The following CREB3L2 variants were observed in gnomAD, a reference collection of about 807,000 sequenced individuals.
CREB3L2 encodes the protein cAMP responsive element binding protein 3 like 2, also known as cyclic AMP-responsive element-binding protein 3-like protein 2.
CREB3L2 carries 23 observed loss-of-function variants against 57.2 expected under a neutral mutation model. The ratio of observed to expected loss-of-function variants is 0.40; its 90% CI spans 0.29 to 0.57. The LOEUF (loss-of-function observed/expected upper bound fraction) is 0.57, where lower values mean the gene tolerates loss of function less well. CREB3L2 is among the 20% of genes least tolerant of loss of function. The pLI is 0.42. For synonymous variants in CREB3L2, 268 were observed against 265.1 expected (o/e 1.01, Z -0.11); for missense variants, 628 against 634.7 (o/e 0.99, Z 0.11).
intron 4 of CREB3L2, 193 bp downstream of exon 4, chr7:137,912,798 G>A (rs1800042281): frequency 4.1e-6 from 6 of 1,477,332 alleles, no homozygotes; most frequent in Non-Finnish European, 5.5e-6. Flanking sequence ...GTGCATATAT[G>A]GGAAAATAAT....
chr7:137,988,957 A>G (rs1801835640), intron 1 of CREB3L2, among the ~76,000 whole-genome samples: 1 of 151,706 alleles, frequency 6.6e-6, no homozygotes, highest in Non-Finnish European at 1.5e-5. Flanking sequence ...GAAGGAAGGA[A>G]AAAAAGGAAG....
chr7:137,954,360 C>A (rs992820378), intron 1 of CREB3L2, among the ~76,000 whole-genome samples: 10 of 152,158 alleles, frequency 6.6e-5, no homozygotes, highest in Admixed American at 2.0e-4. Context: ...CAGGTGGTGA[C>A]AGCAGATAGC....
At chr7:137,973,614 C>T (rs1313045076) in intron 1 of CREB3L2, among the ~76,000 whole-genome samples, 1 of 152,134 alleles carries the variant, frequency 6.6e-6, no homozygotes, top group South Asian at 2.1e-4. Flanking sequence ...AGCCCAGAGA[C>T]TTATTATGAT....
chr7:137,972,726 TATATATATATAGAG>T (rs1328242264), intron 1 of CREB3L2, among the ~76,000 whole-genome samples: 101 of 26,514 alleles, frequency 3.8e-3, no homozygotes, highest in South Asian at 0.014. Flanking sequence ...TATATATATA[TATATATATATAGAG>T]AGAGAGAGAG....
At chr7:137,894,651 T>C (rs1020726445) in intron 8 of CREB3L2, among the ~76,000 whole-genome samples, 3 of 152,034 alleles carry the variant, frequency 2.0e-5, no homozygotes, top group Admixed American at 6.5e-5. Context: ...GAGTAAGTTC[T>C]AGAGGGCTAG....
chr7:137,983,783 C>T (rs1489781487), intron 1 of CREB3L2, among the ~76,000 whole-genome samples: 2 of 152,344 alleles, frequency 1.3e-5, no homozygotes, highest in East Asian at 1.9e-4. Context: ...TCCTCAGGGG[C>T]AGGGACTGAG....
intron 11 of CREB3L2, among the ~76,000 whole-genome samples, chr7:137,881,581 A>C (rs1018765077): frequency 8.9e-4 from 135 of 152,236 alleles, no homozygotes; most frequent in Non-Finnish European, 1.0e-4. Context: ...ACTTCATTAT[A>C]AACCTTCCCC....
At chr7:137,956,750 G>A (rs560797629) in intron 1 of CREB3L2, 3 of 719,038 alleles carry the variant, frequency 4.2e-6, no homozygotes, top group Admixed American at 4.7e-5. Context: ...AAACATTTGC[G>A]ATTGCTAGCA....
At chr7:137,882,969 C>G (rs1799331061) in intron 10 of CREB3L2, among the ~76,000 whole-genome samples, 1 of 152,150 alleles carries the variant, frequency 6.6e-6, no homozygotes, top group Admixed American at 6.5e-5. Flanking sequence ...GAGTGGAATA[C>G]TTGGAGATGT....
In CREB3L2 at chr7:137,880,374, C is replaced by T; in HGVS notation, c.*102G>A. The T allele has an allele frequency of 1.1e-6, 1 of 943,094 alleles. No individual in the cohort carries two copies. Among genetic ancestry groups the T allele is most frequent in the Non-Finnish European group, 1.7e-6 (1 of 594,302 alleles). The allele number at this position is 943,094 out of a possible 1,614,324, so 58.4% of individuals were successfully genotyped here. A position where few individuals can be genotyped will look rare whatever the true frequency, so the allele number is the denominator to read the frequency against. ...TGAAGCCACTAATGCTTGCCCATGTCTCCATGAAGATCCAGTGGCAAAGAG... is the reference window on the plus strand; with the variant it reads ...TGAAGCCACTAATGCTTGCCCATGTTTCCATGAAGATCCAGTGGCAAAGAG... On this transcript the variant is annotated 3_prime_UTR_variant, in exon 12 of 12. Transcript: ENST00000330387. This position sits in a 1 kb window ranked among gnomAD's most constrained non-coding sequence, Gnocchi z 4.0.
At chr7:137,924,198 T>C (rs998790551) in intron 2 of CREB3L2, among the ~76,000 whole-genome samples, 2 of 152,238 alleles carry the variant, frequency 1.3e-5, no homozygotes, top group East Asian at 1.9e-4. Context: ...GGGACAGCCA[T>C]AGTCACGGTC....
intron 8 of CREB3L2, among the ~76,000 whole-genome samples, chr7:137,898,334 T>C (rs929818113): frequency 6.6e-6 from 1 of 152,160 alleles, no homozygotes; most frequent in African/African-American, 2.4e-5. Context: ...GTAAAACCAT[T>C]ATGAAAAACA....
chr7:137,907,802 T>C (rs569655430), intron 5 of CREB3L2, among the ~76,000 whole-genome samples: 7 of 152,356 alleles, frequency 4.6e-5, no homozygotes, highest in African/African-American at 1.7e-4. Flanking sequence ...AGGCTTAAAC[T>C]GTTTTTGACC....
At chr7:137,957,552 G>T (rs559438144) in intron 1 of CREB3L2, among the ~76,000 whole-genome samples, 1 of 151,998 alleles carries the variant, frequency 6.6e-6, no homozygotes, top group South Asian at 2.1e-4. Flanking sequence ...AGACTACTTC[G>T]CATCAGAAAA....
chr7:137,882,545 C>CCCCCAGCT lies in CREB3L2; in HGVS notation c.1346_1353dup (p.Gly452SerfsTer59). The CCCCCAGCT allele has an allele frequency of 6.2e-7, 1 of 1,613,728 alleles. No individual in the cohort carries two copies. Among genetic ancestry groups the CCCCCAGCT allele is most frequent in the South Asian group, 1.1e-5 (1 of 91,068 alleles). ...AGCAGGGAGGAACCTCTATCCCAGC[C>CCCCCAGCT]CCCCAGCTCCCCAGCCGAGCCCGGG... On this transcript the variant is annotated frameshift_variant, in exon 11 of 12. Coordinates refer to ENST00000330387, the MANE Select transcript of CREB3L2 (RefSeq NM_194071.4). LOFTEE classifies it high-confidence loss of function.
At chr7:137,892,878 A>C (rs1799552079) in intron 8 of CREB3L2, among the ~76,000 whole-genome samples, 1 of 152,128 alleles carries the variant, frequency 6.6e-6, no homozygotes, top group Non-Finnish European at 1.5e-5. Context: ...CAATGTTAAT[A>C]ATTATAAGTT....
chr7:137,908,660 G>T (rs1484518077), intron 4 of CREB3L2, among the ~76,000 whole-genome samples: 1 of 152,114 alleles, frequency 6.6e-6, no homozygotes, highest in Non-Finnish European at 1.5e-5. Flanking sequence ...CACTGGAAGT[G>T]AATACAAGAA....
At chr7:137,884,591 A>G (rs188451602) in intron 10 of CREB3L2, 1 of 433,650 alleles carries the variant, frequency 2.3e-6, no homozygotes, top group African/African-American at 2.0e-5. Context: ...AGCCCTTACT[A>G]TATACATTGC....
rs1799238992 is a variant in CREB3L2, at chr7:137,879,492, T to C, written c.*984A>G. The C allele has an allele frequency of 5.8e-6, 2 of 346,176 alleles. No homozygotes were observed. Among genetic ancestry groups the C allele is most frequent in the Non-Finnish European group, 1.1e-5 (2 of 183,012 alleles). The allele number at this position is 346,176 out of a possible 1,614,324, so 21.4% of individuals were successfully genotyped here. A position where few individuals can be genotyped will look rare whatever the true frequency, so the allele number is the denominator to read the frequency against. On this transcript the variant is annotated 3_prime_UTR_variant, in exon 12 of 12. Coordinates refer to ENST00000330387, the MANE Select transcript of CREB3L2 (RefSeq NM_194071.4). ...GGGGCCTGAGTGAGGCATTGTGTCA[T>C]CTCTCGCTCTGAGCTCATCCTAGAG... is the stretch of plus-strand genomic sequence containing the variant.
Sources: allele counts gnomAD v4.1 joint callset (sites outside exome capture counted in the v4.1 genomes callset), GRCh38; gene constraint gnomAD v4.1.1; non-coding constraint Gnocchi (gnomAD v3.1); transcripts MANE v1.5; gene names NCBI Gene and HGNC (gene_info 2026-07-23, HGNC 2026-07-21).